The following DYRK1A variants were observed in gnomAD, a reference collection of about 807,000 sequenced individuals.
DYRK1A encodes dual specificity tyrosine phosphorylation regulated kinase 1A.
Under a neutral mutation model 79.7 loss-of-function variants are expected in DYRK1A, and 9 were observed. The observed-to-expected ratio is 0.11, with a 90% CI of 0.07 to 0.20. DYRK1A has a LOEUF of 0.20. Among genes scored for constraint, DYRK1A ranks in the 10% least tolerant of loss-of-function variants. The pLI is 1.00. For missense variants in DYRK1A, 622 were observed against 956.0 expected, an observed-to-expected ratio of 0.65 and a Z score of 4.61; for synonymous variants, 349 against 329.7, an observed-to-expected ratio of 1.06 and a Z score of -0.63.
intron 11 of DYRK1A, among the ~76,000 whole-genome samples, chr21:37,509,868 A>G (rs536922380): frequency 2.6e-5 from 4 of 152,348 alleles, no homozygotes; most frequent in African/African-American, 7.2e-5. Flanking sequence ...CCAAAAATAT[A>G]AAGTGGAAAA....
intron 9 of DYRK1A, among the ~76,000 whole-genome samples, chr21:37,500,075 G>A (rs1223479313): frequency 6.6e-6 from 1 of 152,188 alleles, no homozygotes; most frequent in Admixed American, 6.5e-5. Context: ...TATACTGAGG[G>A]ATGACTGTAT....
At chr21:37,466,214 T>G (rs1438517935) in intron 2 of DYRK1A, among the ~76,000 whole-genome samples, 2 of 152,188 alleles carry the variant, frequency 1.3e-5, no homozygotes, top group Non-Finnish European at 2.9e-5. Context: ...GGATGGTCAT[T>G]TGGATGTCTT....
rs1287411517 is a variant in DYRK1A at position 37,517,074 on chromosome 21, A to G, written c.*4543A>G. On this transcript the variant is annotated 3_prime_UTR_variant, in exon 12 of 12. Transcript: ENST00000647188. Reference sequence around the variant, plus strand: ...CAGCAAAACCTGTGAATCCTTCTTCAAAGCATAGAGGAGGCAGAGACAAGT... The same window carrying G: ...CAGCAAAACCTGTGAATCCTTCTTCGAAGCATAGAGGAGGCAGAGACAAGT... 2 of 152,208 alleles carry G rather than the reference A, an allele frequency of 1.3e-5. No individual in the cohort carries two copies. The highest frequency in any genetic ancestry group is 4.8e-5 in the African/African-American group (2 of 41,454). 9.4% of individuals were successfully genotyped at this position (152,208 alleles called of 1,614,324 possible).
At chr21:37,439,808 T>C (rs1249482314) in intron 2 of DYRK1A, among the ~76,000 whole-genome samples, 1 of 152,200 alleles carries the variant, frequency 6.6e-6, no homozygotes, top group Non-Finnish European at 1.5e-5. Context: ...AGGTCAAGTA[T>C]GGATGTTGGA....
At chr21:37,426,018 A>G (rs1039349959) in intron 2 of DYRK1A, among the ~76,000 whole-genome samples, 2 of 152,206 alleles carry the variant, frequency 1.3e-5, no homozygotes, top group African/African-American at 2.4e-5. Flanking sequence ...GGTTAGAGTC[A>G]TGTGGTCCCC....
At chr21:37,460,500 GTCT>G (rs2148525025) in intron 2 of DYRK1A, among the ~76,000 whole-genome samples, 1 of 152,212 alleles carries the variant, frequency 6.6e-6, no homozygotes, top group East Asian at 1.9e-4. Context: ...AGAACCACCG[GTCT>G]TCATTCTTTT....
At chr21:37,422,175 A>T (rs987727019) in intron 2 of DYRK1A, among the ~76,000 whole-genome samples, 6 of 152,166 alleles carry the variant, frequency 3.9e-5, no homozygotes, top group Non-Finnish European at 8.8e-5. Context: ...TTCTTTAAAA[A>T]TTGTCAGCAT....
At chr21:37,393,797 G>A (rs1185646406) in intron 1 of DYRK1A, among the ~76,000 whole-genome samples, 1 of 152,250 alleles carries the variant, frequency 6.6e-6, no homozygotes, top group Non-Finnish European at 1.5e-5. Context: ...GGCAGTCCAA[G>A]GTGATGGATT....
intron 10 of DYRK1A, 107 bp downstream of exon 10, chr21:37,505,696 GTTACT>G: frequency 8.2e-7 from 1 of 1,220,874 alleles, no homozygotes; most frequent in Non-Finnish European, 1.1e-6. Context: ...GTGGGGAGCA[GTTACT>G]TTACTTAAAT....
intron 1 of DYRK1A, among the ~76,000 whole-genome samples, chr21:37,414,252 C>T (rs1284004477): frequency 6.6e-6 from 1 of 151,988 alleles, no homozygotes; most frequent in Non-Finnish European, 1.5e-5. Context: ...TCTGTTTTTC[C>T]TCCCTTTTTG....
chr21:37,377,409 G>A (rs1011724223), intron 1 of DYRK1A, among the ~76,000 whole-genome samples: 5 of 151,934 alleles, frequency 3.3e-5, no homozygotes, highest in East Asian at 1.9e-4. Flanking sequence ...TTGAGCCACC[G>A]TGCCCCGCAT....
chr21:37,375,151 T>C (rs1193904610), intron 1 of DYRK1A: 1 of 152,220 alleles, frequency 6.6e-6, no homozygotes, highest in Non-Finnish European at 1.5e-5. Flanking sequence ...GGAGCTTATG[T>C]CTAGTGAATG....
At chr21:37,509,577 A>G (rs912524034) in intron 11 of DYRK1A, among the ~76,000 whole-genome samples, 1 of 151,966 alleles carries the variant, frequency 6.6e-6, no homozygotes, top group Admixed American at 6.6e-5. Flanking sequence ...CTCCTGAGTA[A>G]CTAGGCCTAT....
chr21:37,420,805 A>AT (rs1202101513), intron 2 of DYRK1A, among the ~76,000 whole-genome samples: 5 of 152,134 alleles, frequency 3.3e-5, no homozygotes, highest in Admixed American at 1.3e-4. Context: ...ATACCCATAC[A>AT]TACGGTTTCT....
chr21:37,370,040 G>C (rs915191093), intron 1 of DYRK1A, among the ~76,000 whole-genome samples: 3 of 152,124 alleles, frequency 2.0e-5, no homozygotes, highest in Non-Finnish European at 4.4e-5. Flanking sequence ...TCTGATGTTT[G>C]CTCCTTCGTG....
chr21:37,493,402 G>A (rs2053161455), intron 8 of DYRK1A, among the ~76,000 whole-genome samples: 2 of 152,172 alleles, frequency 1.3e-5, no homozygotes, highest in African/African-American at 4.8e-5. Flanking sequence ...AAAGTGTTAA[G>A]TATTTTGGCA....
chr21:37,434,620 T>G (rs550589372), intron 2 of DYRK1A, among the ~76,000 whole-genome samples: 45 of 152,366 alleles, frequency 3.0e-4, no homozygotes, highest in South Asian at 2.1e-3. Context: ...CTGAACTTGG[T>G]TCCCAGATAT....
At chr21:37,481,162 A>G (rs1331254963) in intron 5 of DYRK1A, 1 of 170,494 alleles carries the variant, frequency 5.9e-6, no homozygotes, top group Non-Finnish European at 1.2e-5. Context: ...AGAGGTATTT[A>G]CCTTCTTGTC....
intron 1 of DYRK1A, among the ~76,000 whole-genome samples, chr21:37,384,119 C>T (rs1350765768): frequency 2.6e-5 from 4 of 151,930 alleles, no homozygotes; most frequent in Non-Finnish European, 5.9e-5. Flanking sequence ...GAAGGGGATC[C>T]CAGATAAAGC....
Sources: gnomAD v4.1 joint callset for allele counts (sites outside exome capture counted in the v4.1 genomes callset) on GRCh38, gnomAD v4.1.1 for gene constraint, MANE v1.5 for transcripts, NCBI Gene and HGNC (gene_info 2026-07-23, HGNC 2026-07-21) for gene names.